The following PAPOLG variants were observed in gnomAD, a reference collection of about 807,000 sequenced individuals.
PAPOLG encodes the protein PAP-gamma.
A neutral mutation model predicts 99.0 loss-of-function variants in PAPOLG; 40 were observed. That is an observed-to-expected ratio of 0.40 (90% confidence interval 0.31 to 0.53). PAPOLG has a LOEUF of 0.53. Ranked by LOEUF, PAPOLG falls within the 20% of genes least tolerant of loss-of-function variation. The pLI, the probability that PAPOLG is intolerant of heterozygous loss-of-function variation, is 0.41. For synonymous variants in PAPOLG, 310 were observed against 299.3 expected, an observed-to-expected ratio of 1.04 and a Z score of -0.37; for missense variants, 675 against 884.1, an observed-to-expected ratio of 0.76 and a Z score of 3.00.
intron 3 of PAPOLG, among the ~76,000 whole-genome samples, chr2:60,766,118 G>A (rs1234140396): frequency 6.6e-6 from 1 of 152,090 alleles, no homozygotes; most frequent in Non-Finnish European, 1.5e-5. Context: ...AACTTGTACT[G>A]GGCATTGTGA....
rs1671825351 is a variant in PAPOLG at position 60,801,086 on chromosome 2, C to T, written c.*3926C>T. The stretch of plus-strand genomic sequence containing the variant: ...AACAAATTTCAACCCAATATTATCA[C>T]AGTACAATAGCTTAGAATGATCATT... On this transcript the variant is annotated 3_prime_UTR_variant, in exon 22 of 22. Coordinates refer to ENST00000238714, the MANE Select transcript of PAPOLG (RefSeq NM_022894.4). 2 of 152,256 alleles carry T rather than the reference C, an allele frequency of 1.3e-5. No individual in the cohort carries two copies. Among genetic ancestry groups the T allele is most frequent in the Admixed American group, 6.6e-5 (1 of 15,264 alleles). 9.4% of individuals were successfully genotyped at this position (152,256 alleles called of 1,614,324 possible). A position where few individuals can be genotyped will look rare whatever the true frequency, so the allele number is the denominator to read the frequency against.
chr2:60,768,625 A>G, intron 4 of PAPOLG, 74 bp downstream of exon 4: 3 of 1,399,854 alleles, frequency 2.1e-6, no homozygotes, highest in Non-Finnish European at 2.0e-6. Flanking sequence ...ATGTAGGAGA[A>G]CAAAGTTCCC....
intron 3 of PAPOLG, among the ~76,000 whole-genome samples, chr2:60,765,635 C>G (rs1373696545): frequency 2.6e-5 from 4 of 152,142 alleles, no homozygotes; most frequent in Non-Finnish European, 1.5e-5. Flanking sequence ...GATATTTAAA[C>G]TTTAAATAGT....
At chr2:60,787,911 T>A (rs899629287) in intron 15 of PAPOLG, among the ~76,000 whole-genome samples, 3 of 151,510 alleles carry the variant, frequency 2.0e-5, no homozygotes, top group South Asian at 4.2e-4. Flanking sequence ...GTTAGTAGAG[T>A]GTGGTGGCGG....
chr2:60,771,270 CTT>C (rs1670843925), intron 6 of PAPOLG, among the ~76,000 whole-genome samples: 1 of 151,944 alleles, frequency 6.6e-6, no homozygotes, highest in South Asian at 2.1e-4. Flanking sequence ...GCTCATAAGG[CTT>C]TGATTTTTTT....
chr2:60,781,549 G>A (rs1339895800), intron 10 of PAPOLG, among the ~76,000 whole-genome samples: 1 of 152,106 alleles, frequency 6.6e-6, no homozygotes, highest in Non-Finnish European at 1.5e-5. Context: ...TTGAGTGGGT[G>A]GTGAAAAAGG....
chr2:60,797,216 C>A lies in PAPOLG; in HGVS notation c.*56C>A, dbSNP rs1385016384. On this transcript the variant is annotated 3_prime_UTR_variant, in exon 22 of 22. Transcript: ENST00000238714. ...CAATCATTTAGTGGCATAGATGCAGCCACTTGTTTTTTAAATAGAAGTGGC... is the reference window on the plus strand; with the variant it reads ...CAATCATTTAGTGGCATAGATGCAGACACTTGTTTTTTAAATAGAAGTGGC... The A allele has an allele frequency of 6.3e-7, 1 of 1,587,074 alleles. No homozygotes were observed. The highest frequency in any genetic ancestry group is 1.3e-5 in the African/African-American group (1 of 74,326).
In PAPOLG at chr2:60,782,013, T is replaced by C. The variant is rs759064825; in HGVS notation, c.1027+8T>C. 3 of 1,612,756 alleles carry C rather than the reference T, an allele frequency of 1.9e-6. No individual in the cohort carries two copies. Among genetic ancestry groups the C allele is most frequent in the Non-Finnish European group, 2.5e-6 (3 of 1,178,870 alleles). On this transcript the variant is annotated splice_region_variant and intron_variant, in intron 11 of 21. Transcript: ENST00000238714. The stretch of plus-strand genomic sequence containing the variant: ...TAGAAGAATTTAAACAAGGTAAACA[T>C]GTGGCCCTGTTGCCCTTTACATATT...
chr2:60,767,431 A>G (rs958418971), intron 3 of PAPOLG, among the ~76,000 whole-genome samples: 5 of 150,070 alleles, frequency 3.3e-5, no homozygotes, highest in African/African-American at 7.4e-5. Flanking sequence ...CAGCCTCCTC[A>G]GTAGCTGAGA....
At chr2:60,773,623 C>G (rs575391870) in intron 7 of PAPOLG, among the ~76,000 whole-genome samples, 2 of 150,728 alleles carry the variant, frequency 1.3e-5, no homozygotes, top group African/African-American at 2.4e-5. Context: ...ACTATCATGC[C>G]TTGGTCATTT....
At chr2:60,767,875 G>C (rs1426739426) in intron 3 of PAPOLG, among the ~76,000 whole-genome samples, 2 of 152,146 alleles carry the variant, frequency 1.3e-5, no homozygotes, top group Non-Finnish European at 2.9e-5. Context: ...GCAGTTGGAG[G>C]GGACAAGTAT....
At chr2:60,769,275 A>G (rs1670776604) in intron 5 of PAPOLG, among the ~76,000 whole-genome samples, 1 of 152,206 alleles carries the variant, frequency 6.6e-6, no homozygotes, top group Non-Finnish European at 1.5e-5. Context: ...GATGAGTGCT[A>G]TTATGTGTAA....
chr2:60,779,758 T>G lies in PAPOLG; in HGVS notation c.816T>G (p.Phe272Leu), dbSNP rs777430421. The change falls in exon 9 of 22, where the codon TTT becomes TTG. Residue 272 changes from phenylalanine to leucine, a missense_variant. Phe to Leu is a conservative substitution (Grantham distance 22, BLOSUM62 0). Coordinates refer to ENST00000238714, the MANE Select transcript of PAPOLG (RefSeq NM_022894.4). The part of the protein sequence containing the change: ...AAASTLVHKF[F>L]LVFSKWEWPN... ...CATCTACTTTAGTTCATAAGTTCTT[T>G]TTAGTTTTTTCCAAGTGGTAAGTAT... The G allele has an allele frequency of 6.2e-7, 1 of 1,613,764 alleles. No homozygotes were observed. Among genetic ancestry groups the G allele is most frequent in the Non-Finnish European group, 8.5e-7 (1 of 1,179,762 alleles).
At chr2:60,767,830 G>A (rs373011292) in intron 3 of PAPOLG, among the ~76,000 whole-genome samples, 16 of 152,338 alleles carry the variant, frequency 1.1e-4, no homozygotes, top group East Asian at 9.6e-4. Context: ...AGAGTTCCTT[G>A]TTGACTACCG....
chr2:60,768,755 T>C (rs767853841), intron 4 of PAPOLG, 26 bp from the exon 5 acceptor site: 4 of 1,503,994 alleles, frequency 2.7e-6, no homozygotes, highest in Non-Finnish European at 3.6e-6. Context: ...AATATATTCT[T>C]AATTAAGAAC....
At chr2:60,787,482 A>G in intron 14 of PAPOLG, 29 bp from the exon 15 acceptor site, 2 of 1,580,442 alleles carry the variant, frequency 1.3e-6, no homozygotes, top group South Asian at 2.3e-5. Context: ...AATAATAATT[A>G]ATGGAAATTC....
intron 3 of PAPOLG, among the ~76,000 whole-genome samples, chr2:60,762,653 A>T (rs1670553939): frequency 6.6e-6 from 1 of 151,036 alleles, no homozygotes; most frequent in South Asian, 2.1e-4. Context: ...TTGAGATGGA[A>T]TCTCCCTCTT....
At chr2:60,768,944 A>AT (rs1670766115) in intron 5 of PAPOLG, 54 bp downstream of exon 5, 1 of 1,330,618 alleles carries the variant, frequency 7.5e-7, no homozygotes, top group Non-Finnish European at 1.0e-6. Context: ...ACAAATATCT[A>AT]TAAAAACTAG....
At chr2:60,780,903 T>G in intron 10 of PAPOLG, 124 bp downstream of exon 10, 1 of 711,046 alleles carries the variant, frequency 1.4e-6, no homozygotes, top group Non-Finnish European at 2.4e-6. Context: ...TATAGTCCCC[T>G]TCCTCCTTCT....
Sources: gnomAD v4.1 joint callset for allele counts (sites outside exome capture counted in the v4.1 genomes callset) on GRCh38, gnomAD v4.1.1 for gene constraint, MANE v1.5 for transcripts, NCBI Gene and HGNC (gene_info 2026-07-23, HGNC 2026-07-21) for gene names.